BEST3: variants seen among roughly 807,000 people sequenced by gnomAD.
The protein encoded by BEST3 is bestrophin-3.
Under a neutral mutation model 47.1 loss-of-function variants are expected in BEST3, and 50 were observed. The ratio of observed to expected loss-of-function variants is 1.06; its 90% CI spans 0.85 to 1.34. BEST3 has a LOEUF of 1.34. BEST3 is among the 40% of genes most tolerant of loss of function. The probability of loss-of-function intolerance (pLI) is 0.00; values close to 1 mark genes in which losing one functional copy is unlikely to be tolerated. For synonymous variants in BEST3, 282 were observed against 298.8 expected (o/e 0.94, Z 0.58); for missense variants, 765 against 817.0 (o/e 0.94, Z 0.78).
chr12:69,684,332 A>C (rs1885430311), intron 4 of BEST3: 1 of 415,980 alleles, frequency 2.4e-6, no homozygotes. Flanking sequence ...ATTTACTCCC[A>C]ATTGAGTTGT....
At chr12:69,665,608 CACAAAAAAACAA>C (rs71707390) in intron 9 of BEST3, among the ~76,000 whole-genome samples, 74,172 of 150,460 alleles carry the variant, frequency 0.49, 18,397 homozygotes, top group Admixed American at 0.62. Flanking sequence ...CAAAACAAAA[CACAAAAAAACAA>C]ACAAAAAAAA....
In BEST3 at chr12:69,674,853, T is replaced by A. The variant is rs559155205; in HGVS notation, c.868-1888A>T. 5.9e-5 allele frequency among the ~76,000 whole-genome samples: 9 copies of A among 152,012 alleles called. No individual in the cohort carries two copies. In the South Asian group the frequency reaches 8.3e-4, roughly 14 times the overall value. On this transcript the variant is annotated intron_variant, in intron 7 of 9. Transcript: ENST00000330891. Reference sequence around the variant, plus strand: ...ATCCTAATTGTTGAGATAGAACAGCTGTTTAGAAATGGAGGCACAACCCAT... The same window carrying A: ...ATCCTAATTGTTGAGATAGAACAGCAGTTTAGAAATGGAGGCACAACCCAT...
In BEST3 at chr12:69,654,323, G is replaced by T; in HGVS notation, c.*584C>A. ...GAAAAGTAAAAAAGGAAATTGAAGA[G>T]AATTAAGTGTTCTGGTGCTGATGAA... On this transcript the variant is annotated 3_prime_UTR_variant, in exon 10 of 10. Coordinates refer to ENST00000330891, the MANE Select transcript of BEST3 (RefSeq NM_032735.3). 1.0e-6 allele frequency: 1 copy of T among 984,796 alleles called. No individual in the cohort carries two copies. Among genetic ancestry groups the T allele is most frequent in the Non-Finnish European group, 1.2e-6 (1 of 829,424 alleles). 61.0% of individuals were successfully genotyped at this position (984,796 alleles called of 1,614,324 possible). A position where few individuals can be genotyped will look rare whatever the true frequency, so the allele number is the denominator to read the frequency against.
Position 69,655,073 on chromosome 12 carries a change from T to C in BEST3, c.1841A>G (p.Gln614Arg). 1.9e-6 allele frequency: 3 copies of C among 1,614,188 alleles called. No homozygotes were observed. Among genetic ancestry groups the C allele is most frequent in the Non-Finnish European group, 2.5e-6 (3 of 1,180,030 alleles). The change falls in exon 10 of 10, where the codon CAG becomes CGG. Residue 614 changes from glutamine (Q) to arginine (R), a missense_variant. Gln to Arg is a conservative substitution (Grantham distance 43). Coordinates refer to ENST00000330891, the MANE Select transcript of BEST3 (RefSeq NM_032735.3). Reference sequence around the variant, plus strand: ...TTCTGTGTCAATTAAAAGAGCTGGCTGAGAGCTCATGGGGTCTGGACTTAG... The same window carrying C: ...TTCTGTGTCAATTAAAAGAGCTGGCCGAGAGCTCATGGGGTCTGGACTTAG... ...GNLSPDPMSS[Q>R]PALLIDTETS...
intron 2 of BEST3, 39 bp from the exon 3 acceptor site, chr12:69,694,503 A>G (rs2136047756): frequency 8.9e-7 from 1 of 1,119,436 alleles, no homozygotes; most frequent in Non-Finnish European, 1.3e-6. Flanking sequence ...TTATGATATT[A>G]TACTTCTGCA....
At chr12:69,643,877 TTCACATAGG>T (rs1481718255) in intron 9 of BEST3, 23 of 566,768 alleles carry the variant, frequency 4.1e-5, no homozygotes, top group Middle Eastern at 3.8e-4. Flanking sequence ...CAGAGTTGAA[TTCACATAGG>T]CCACCACACA....
intron 9 of BEST3, among the ~76,000 whole-genome samples, chr12:69,664,561 A>G (rs1323603598): frequency 3.3e-5 from 5 of 151,966 alleles, no homozygotes; most frequent in Non-Finnish European, 7.4e-5. Context: ...CCTTTTTCCA[A>G]ACAAGGAGAG....
intron 7 of BEST3, among the ~76,000 whole-genome samples, chr12:69,674,394 C>A (rs1023031979): frequency 4.6e-5 from 7 of 152,122 alleles, no homozygotes; most frequent in African/African-American, 1.7e-4. Flanking sequence ...GAGGTTGAGG[C>A]CAGGCATCAG....
intron 9 of BEST3, among the ~76,000 whole-genome samples, chr12:69,668,717 T>C (rs1159162917): frequency 6.6e-6 from 1 of 152,176 alleles, no homozygotes; most frequent in Admixed American, 6.5e-5. Context: ...TAACCCTTGG[T>C]TCAAAGATGG....
In BEST3 at chr12:69,655,483, C is replaced by T; in HGVS notation, c.1431G>A (p.Gln477=). 1 of 1,614,120 alleles carries T rather than the reference C, an allele frequency of 6.2e-7. No homozygotes were observed. The highest frequency in any genetic ancestry group is 8.5e-7 in the Non-Finnish European group (1 of 1,180,006). ...GGGTCAGGCTCTGTAAAGTGCTTGT[C>T]TGGCTGGTCTCCCTGATGGTGGACA... is the stretch of plus-strand genomic sequence containing the variant. The part of the protein sequence containing the change: ...GELSTIRETS[Q]TSTLQSLTPQ... Residue 477 remains glutamine, a synonymous_variant, in exon 10 of 10, where the codon CAG becomes CAA. Transcript: ENST00000330891.
chr12:69,650,837 C>T (rs541236272), downstream of BEST3, among the ~76,000 whole-genome samples: 7 of 151,980 alleles, frequency 4.6e-5, no homozygotes, highest in East Asian at 1.2e-3. Context: ...TGACAAAAAA[C>T]ACTGCAGAGA....
intron 4 of BEST3, among the ~76,000 whole-genome samples, chr12:69,686,771 C>CAAAAAAAAAACAAAAAAAA: frequency 2.0e-5 from 1 of 49,914 alleles, no homozygotes; most frequent in East Asian, 6.4e-4. Context: ...GATTCTGCCT[C>CAAAAAAAAAACAAAAAAAA]AAAAAAACAA....
intron 9 of BEST3, chr12:69,670,708 G>A: frequency 2.1e-6 from 1 of 469,484 alleles, no homozygotes; most frequent in Non-Finnish European, 3.8e-6. Context: ...ATGAGCCACA[G>A]TCTTGCCAAG....
intron 9 of BEST3, among the ~76,000 whole-genome samples, chr12:69,664,169 T>C (rs759255589): frequency 6.6e-6 from 1 of 152,222 alleles, no homozygotes; most frequent in Non-Finnish European, 1.5e-5. Flanking sequence ...ACATGCCCCA[T>C]GCAAAGATCA....
At chr12:69,690,315 G>A (rs1023980054) in intron 4 of BEST3, among the ~76,000 whole-genome samples, 2 of 152,182 alleles carry the variant, frequency 1.3e-5, no homozygotes, top group Non-Finnish European at 2.9e-5. Context: ...CCTCGGAAAG[G>A]GAAAAGTCTG....
chr12:69,666,897 C>T (rs1355137590), intron 9 of BEST3, among the ~76,000 whole-genome samples: 2 of 152,184 alleles, frequency 1.3e-5, no homozygotes, highest in Non-Finnish European at 2.9e-5. Context: ...CCTTCTGTCA[C>T]CTCTACCGTC....
At chr12:69,663,400 A>G (rs889418873) in intron 9 of BEST3, among the ~76,000 whole-genome samples, 1 of 152,202 alleles carries the variant, frequency 6.6e-6, no homozygotes, top group Non-Finnish European at 1.5e-5. Flanking sequence ...AAAACTCATT[A>G]TTACATTAGG....
intron 4 of BEST3, 69 bp from the exon 5 acceptor site, chr12:69,678,962 G>A: frequency 7.8e-7 from 1 of 1,276,994 alleles, no homozygotes; most frequent in Non-Finnish European, 1.1e-6. Context: ...CCATATTTCA[G>A]CATCTATATA....
chr12:69,649,854 G>A (rs1007901461), downstream of BEST3, among the ~76,000 whole-genome samples: 7 of 152,204 alleles, frequency 4.6e-5, no homozygotes, highest in African/African-American at 1.7e-4. Flanking sequence ...CAGCGCTTTT[G>A]TGCAAAACCC....
Sources: allele counts gnomAD v4.1 joint callset (sites outside exome capture counted in the v4.1 genomes callset), GRCh38; gene constraint gnomAD v4.1.1; transcripts MANE v1.5; gene names NCBI Gene and HGNC (gene_info 2026-07-23, HGNC 2026-07-21).